The following PPP4R3A variants were observed in gnomAD, a reference collection of about 807,000 sequenced individuals.
PPP4R3A encodes protein phosphatase 4 regulatory subunit 3A.
In PPP4R3A, 15 loss-of-function variants were observed where a neutral mutation model predicts 91.7. The ratio of observed to expected loss-of-function variants is 0.16; its 90% CI spans 0.11 to 0.25. The LOEUF (loss-of-function observed/expected upper bound fraction) is 0.25. Among genes scored for constraint, PPP4R3A ranks in the 10% least tolerant of loss-of-function variants. PPP4R3A has a pLI of 1.00. For synonymous variants in PPP4R3A, 377 were observed against 348.7 expected (o/e 1.08, Z -0.91); for missense variants, 623 against 998.4 (o/e 0.62, Z 5.07).
At chr14:91,495,673 A>G (rs1402495747) in intron 1 of PPP4R3A, among the ~76,000 whole-genome samples, 2 of 151,834 alleles carry the variant, frequency 1.3e-5, no homozygotes, top group Non-Finnish European at 2.9e-5. Context: ...GGTGAATTAT[A>G]TAGTATGTAA....
chr14:91,491,848 G>A (rs12886271), intron 1 of PPP4R3A, among the ~76,000 whole-genome samples: 11,300 of 152,180 alleles, frequency 0.074, 524 homozygotes, highest in Middle Eastern at 0.2. Context: ...TGGGTAGTTG[G>A]GACAGGTGCC....
chr14:91,494,499 G>A (rs1595081498), intron 1 of PPP4R3A, among the ~76,000 whole-genome samples: 1 of 152,090 alleles, frequency 6.6e-6, no homozygotes, highest in South Asian at 2.1e-4. Flanking sequence ...TATCCAAAAC[G>A]GATATACAAA....
chr14:91,485,665 A>G lies in PPP4R3A; in HGVS notation c.264T>C (p.Ala88=), dbSNP rs144276866. The G allele has an allele frequency of 5.8e-5, 93 of 1,607,254 alleles. No homozygotes were observed. The highest frequency in any genetic ancestry group is 2.6e-5 in the Non-Finnish European group (31 of 1,179,820). ...YDLALSFQEK[A]GCDEIWEKIC... The stretch of plus-strand genomic sequence containing the variant: ...TTTTCTCCCAAATTTCATCACATCC[A>G]GCTTTTTCTTGAAAGCTAAGGGCCA... The change falls in exon 3 of 15, where the codon GCT becomes GCC. Residue 88 remains alanine, a synonymous_variant. Coordinates refer to ENST00000554943, the MANE Select transcript of PPP4R3A (RefSeq NM_001366432.2).
chr14:91,468,667 C>CAAAAAAAAAAAAAAAAAAAAAAAAAAAAA (rs766250846), intron 10 of PPP4R3A, among the ~76,000 whole-genome samples: 2 of 45,044 alleles, frequency 4.4e-5, no homozygotes, highest in Non-Finnish European at 6.7e-5. Context: ...GACTCCGTCT[C>CAAAAAAAAAAAAAAAAAAAAAAAAAAAAA]AAAAAAAAAA....
intron 10 of PPP4R3A, among the ~76,000 whole-genome samples, chr14:91,467,482 T>C (rs917599257): frequency 2.0e-5 from 3 of 152,228 alleles, no homozygotes; most frequent in African/African-American, 7.2e-5. Context: ...AAAACGTGAA[T>C]TTCATGTAAT....
intron 2 of PPP4R3A, 40 bp from the exon 3 acceptor site, chr14:91,485,770 C>T (rs1889841797): frequency 7.5e-7 from 1 of 1,339,466 alleles, no homozygotes; most frequent in South Asian, 1.3e-5. Flanking sequence ...TTAACATACA[C>T]TATCACAAAC....
intron 2 of PPP4R3A, among the ~76,000 whole-genome samples, chr14:91,487,968 C>T (rs950149404): frequency 6.6e-6 from 1 of 152,130 alleles, no homozygotes; most frequent in Admixed American, 6.5e-5. Flanking sequence ...GAATTATAGG[C>T]GTGAGCCACC....
Position 91,457,754 on chromosome 14 carries a change from T to C in PPP4R3A, c.*1005A>G, listed in dbSNP as rs997966790. On this transcript the variant is annotated 3_prime_UTR_variant, in exon 15 of 15. Coordinates refer to ENST00000554943, the MANE Select transcript of PPP4R3A (RefSeq NM_001366432.2). ...CTTTGGAATACTAATTTCATGTTTCTAGATTTAACAAAACTGTTGAAGTTT... is the reference window on the plus strand; with the variant it reads ...CTTTGGAATACTAATTTCATGTTTCCAGATTTAACAAAACTGTTGAAGTTT... The C allele has an allele frequency of 2.0e-5, 3 of 152,674 alleles. No homozygotes were observed. Among genetic ancestry groups the C allele is most frequent in the Non-Finnish European group, 2.9e-5 (2 of 68,034 alleles). The allele number at this position is 152,674 out of a possible 1,614,324, so 9.5% of individuals were successfully genotyped here.
chr14:91,495,747 T>A (rs1218921444), intron 1 of PPP4R3A, among the ~76,000 whole-genome samples: 2 of 151,824 alleles, frequency 1.3e-5, no homozygotes, highest in Non-Finnish European at 1.5e-5. Flanking sequence ...TGAGACCTTG[T>A]CTCTATAAAA....
At chr14:91,482,765 T>C (rs1448493750) in intron 3 of PPP4R3A, among the ~76,000 whole-genome samples, 6 of 152,160 alleles carry the variant, frequency 3.9e-5, no homozygotes, top group Non-Finnish European at 8.8e-5. Context: ...CCAAAGAGCA[T>C]GAACAAACTG....
intron 4 of PPP4R3A, among the ~76,000 whole-genome samples, chr14:91,479,580 G>A (rs1889429840): frequency 6.6e-6 from 1 of 151,718 alleles, no homozygotes; most frequent in Admixed American, 6.6e-5. Flanking sequence ...TTTCACTCCT[G>A]TTGCCCAGGC....
At chr14:91,484,199 GAAGGA>G (rs2140119591) in intron 3 of PPP4R3A, among the ~76,000 whole-genome samples, 1 of 152,320 alleles carries the variant, frequency 6.6e-6, no homozygotes, top group African/African-American at 2.4e-5. Context: ...ATGTTTCAGA[GAAGGA>G]AAGGGACAGC....
intron 11 of PPP4R3A, among the ~76,000 whole-genome samples, chr14:91,464,348 A>G (rs1888351955): frequency 7.3e-6 from 1 of 137,788 alleles, no homozygotes; most frequent in Admixed American, 7.6e-5. Flanking sequence ...CCCCAAAAAA[A>G]GCATGTTACA....
rs573642346 is a variant in PPP4R3A, at chr14:91,475,776, T to C, written c.1266+35A>G. The C allele has an allele frequency of 3.2e-4, 493 of 1,561,734 alleles. 2 individuals carry two copies. Among genetic ancestry groups the C allele is most frequent in the Admixed American group, 4.2e-4 (24 of 57,634 alleles). Reference sequence around the variant, plus strand: ...ATAAAAACAGTTATAGCTTCCTATGTATAAATACTTACTATTAGTACAAAT... The same window carrying C: ...ATAAAAACAGTTATAGCTTCCTATGCATAAATACTTACTATTAGTACAAAT... On this transcript the variant is annotated intron_variant, in intron 7 of 14. Transcript: ENST00000554943.
Position 91,507,419 on chromosome 14 carries a change from A to AGT in PPP4R3A, c.142+2086_142+2087insAC, listed in dbSNP as rs1566660351. The stretch of plus-strand genomic sequence containing the variant: ...TGTACTATAATTATATATACTATAT[A>AGT]ATATATATACTATAATTATATATAC... On this transcript the variant is annotated intron_variant, in intron 1 of 14. Coordinates refer to ENST00000554943, the MANE Select transcript of PPP4R3A (RefSeq NM_001366432.2). 5.9e-3 allele frequency among the ~76,000 whole-genome samples: 451 copies of AGT among 76,870 alleles called. 70 individuals are homozygous for AGT. The highest frequency in any genetic ancestry group is 0.017 in the African/African-American group (353 of 20,632). 50.4% of individuals were successfully genotyped at this position (76,870 alleles called of 152,430 possible).
intron 10 of PPP4R3A, among the ~76,000 whole-genome samples, chr14:91,470,047 AAACAAC>A (rs372950400): frequency 1.3e-5 from 2 of 152,054 alleles, no homozygotes; most frequent in African/African-American, 4.8e-5. Context: ...TGACTGCTTC[AAACAAC>A]AACAACAACA....
chr14:91,477,561 T>C (rs1403380467), intron 4 of PPP4R3A, among the ~76,000 whole-genome samples: 1 of 152,318 alleles, frequency 6.6e-6, no homozygotes, highest in Non-Finnish European at 1.5e-5. Flanking sequence ...GATTTTAAAA[T>C]TTACCCAAGC....
Position 91,461,405 on chromosome 14 carries a change from A to C in PPP4R3A, c.2367T>G (p.Ser789=). The C allele has an allele frequency of 6.2e-7, 1 of 1,611,404 alleles. No individual in the cohort carries two copies. Among genetic ancestry groups the C allele is most frequent in the East Asian group, 2.2e-5 (1 of 44,766 alleles). ...CCTTTGTAGTAATAGCTGCCGTCTG[A>C]GATGTATTTTTAGGTACGGATCCAG... ...GSPGSVPKNT[S]QTAAITTKGG... The change falls in exon 14 of 15, where the codon TCT becomes TCG. Residue 789 remains serine, a synonymous_variant. Coordinates refer to ENST00000554943, the MANE Select transcript of PPP4R3A (RefSeq NM_001366432.2).
rs1297165430 is a variant in PPP4R3A, at chr14:91,473,103, G to A, written c.1431C>T (p.Phe477=). ...KTEKTEFLGF[F]YKHCMHVLTA... The stretch of plus-strand genomic sequence containing the variant: ...TGAGAACATGCATACAGTGCTTGTA[G>A]AAGAAACCCAGAAATTCAGTCTTTT... Residue 477 remains phenylalanine (F), a synonymous_variant, in exon 9 of 15, where the codon TTC becomes TTT. Coordinates refer to ENST00000554943, the MANE Select transcript of PPP4R3A (RefSeq NM_001366432.2). 3 of 1,614,144 alleles carry A rather than the reference G, an allele frequency of 1.9e-6. No individual in the cohort carries two copies. The highest frequency in any genetic ancestry group is 2.2e-5 in the East Asian group (1 of 44,880).
Sources: allele counts gnomAD v4.1 joint callset (sites outside exome capture counted in the v4.1 genomes callset), GRCh38; gene constraint gnomAD v4.1.1; transcripts MANE v1.5; gene names NCBI Gene and HGNC (gene_info 2026-07-23, HGNC 2026-07-21).